PRKG2: variants seen among roughly 807,000 people sequenced by gnomAD.
PRKG2 encodes the protein protein kinase cGMP-dependent 2.
PRKG2 carries 33 observed loss-of-function variants against 97.2 expected under a neutral mutation model. That is an observed-to-expected ratio of 0.34 (90% CI 0.26 to 0.45). The LOEUF (loss-of-function observed/expected upper bound fraction) is 0.45, where lower values mean the gene tolerates loss of function less well. PRKG2 is among the 20% of genes least tolerant of loss of function. PRKG2 has a pLI of 1.00. For synonymous variants in PRKG2, 330 were observed against 321.8 expected, an observed-to-expected ratio of 1.03 and a Z score of -0.27; for missense variants, 638 against 900.0, an observed-to-expected ratio of 0.71 and a Z score of 3.73.
At chr4:81,139,371 G>T (rs1178577009) in intron 12 of PRKG2, among the ~76,000 whole-genome samples, 1 of 151,994 alleles carries the variant, frequency 6.6e-6, no homozygotes. Context: ...AAAATAACCA[G>T]TTCAAACTAT....
rs77088125 is a variant in PRKG2, at chr4:81,152,169, C to T, written c.991-115G>A. On this transcript the variant is annotated intron_variant, in intron 7 of 18. Coordinates refer to ENST00000264399, the MANE Select transcript of PRKG2 (RefSeq NM_006259.3). Reference sequence around the variant, plus strand: ...ATATAAACTTGGACAAGGAAAAAGACAATACTTTGTTTTAATTTTATGGTA... The same window carrying T: ...ATATAAACTTGGACAAGGAAAAAGATAATACTTTGTTTTAATTTTATGGTA... The T allele has an allele frequency of 8.3e-4, 624 of 752,268 alleles. 3 individuals carry two copies. In the African/African-American group the frequency reaches 0.01, roughly 12 times the overall value. 46.6% of individuals were successfully genotyped at this position (752,268 alleles called of 1,614,324 possible). A position where few individuals can be genotyped will look rare whatever the true frequency, so the allele number is the denominator to read the frequency against.
chr4:81,167,923 C>T (rs1251505196), intron 5 of PRKG2, among the ~76,000 whole-genome samples: 1 of 151,980 alleles, frequency 6.6e-6, no homozygotes, highest in Admixed American at 6.6e-5. Context: ...CAACTGCTTT[C>T]TCTTCCCTAG....
intron 17 of PRKG2, among the ~76,000 whole-genome samples, chr4:81,103,905 C>A (rs1029664115): frequency 3.2e-4 from 48 of 152,230 alleles, no homozygotes; most frequent in African/African-American, 1.1e-3. Context: ...GTGGCAGGTG[C>A]CTGTAATCCC....
intron 14 of PRKG2, among the ~76,000 whole-genome samples, chr4:81,110,832 G>C (rs1743856086): frequency 6.6e-6 from 1 of 150,690 alleles, no homozygotes; most frequent in Non-Finnish European, 1.5e-5. Context: ...TGCAGGGTCA[G>C]GTGTGTATCT....
chr4:81,124,764 A>G (rs1745394592), intron 14 of PRKG2, among the ~76,000 whole-genome samples: 1 of 152,106 alleles, frequency 6.6e-6, no homozygotes, highest in Non-Finnish European at 1.5e-5. Flanking sequence ...CTCAAGCAAA[A>G]TCACTTCCAA....
intron 14 of PRKG2, among the ~76,000 whole-genome samples, chr4:81,117,052 G>C (rs1408952913): frequency 7.0e-6 from 1 of 142,618 alleles, no homozygotes; most frequent in African/African-American, 2.7e-5. Context: ...GAGTGCAGTG[G>C]CATGATCTTG....
upstream of PRKG2, among the ~76,000 whole-genome samples, chr4:81,217,034 T>TATATATATAC (rs1553933214): frequency 4.1e-3 from 537 of 132,268 alleles, 10 homozygotes; most frequent in Non-Finnish European, 6.4e-3. Context: ...ATATTTTGTA[T>TATATATATAC]ATATATATAT....
rs146657478 is a variant in PRKG2, at chr4:81,179,033, G to A, written c.462-4074C>T. 6.9e-3 allele frequency among the ~76,000 whole-genome samples: 1,046 copies of A among 152,026 alleles called. 6 individuals carry two copies. Among genetic ancestry groups the A allele is most frequent in the Non-Finnish European group, 0.011 (728 of 67,996 alleles). On this transcript the variant is annotated intron_variant, in intron 2 of 18. Transcript: ENST00000264399. ...CCAGCTACTTTGGAGGCTGAGGCAG[G>A]AGAATTGCTTGAACCCGGGAGGCAG...
intron 1 of PRKG2, among the ~76,000 whole-genome samples, chr4:81,208,176 T>TA (rs2110134058): frequency 6.6e-6 from 1 of 152,318 alleles, no homozygotes; most frequent in South Asian, 2.1e-4. Context: ...CTTTGAGTCT[T>TA]ACTTTCTCAT....
intron 6 of PRKG2, among the ~76,000 whole-genome samples, chr4:81,159,173 A>T (rs1237036667): frequency 1.3e-5 from 2 of 152,208 alleles, no homozygotes; most frequent in Non-Finnish European, 2.9e-5. Flanking sequence ...GTGAACAGGC[A>T]ACCTACAAAA....
intron 2 of PRKG2, among the ~76,000 whole-genome samples, chr4:81,203,735 C>A (rs1470527219): frequency 6.6e-6 from 1 of 152,008 alleles, no homozygotes; most frequent in African/African-American, 2.4e-5. Flanking sequence ...CGCACACACA[C>A]ACACACCCCT....
intron 9 of PRKG2, among the ~76,000 whole-genome samples, chr4:81,146,146 T>G (rs1747838360): frequency 6.6e-6 from 1 of 152,208 alleles, no homozygotes; most frequent in Admixed American, 6.5e-5. Context: ...TTGTTTTACT[T>G]TTATTTATTC....
intron 17 of PRKG2, among the ~76,000 whole-genome samples, chr4:81,101,276 T>C (rs570090832): frequency 2.6e-5 from 4 of 152,254 alleles, no homozygotes; most frequent in South Asian, 2.1e-4. Context: ...CGTACGTTTA[T>C]TGGGGCACTA....
chr4:81,215,080 GCA>G lies in PRKG2; in HGVS notation c.-160_-159del, dbSNP rs1307079596. 2 of 152,344 alleles carry G rather than the reference GCA, an allele frequency of 1.3e-5. No individual in the cohort carries two copies. The highest frequency in any genetic ancestry group is 3.9e-4 in the East Asian group (2 of 5,180). The allele number at this position is 152,344 out of a possible 1,614,324, so 9.4% of individuals were successfully genotyped here. On this transcript the variant is annotated 5_prime_UTR_variant, in exon 1 of 19. Transcript: ENST00000264399. The stretch of plus-strand genomic sequence containing the variant: ...AGGTCAGCTCAGCCAGCCCCGCCGT[GCA>G]CACGGTGCGCAGCGTGGGCCCGGGG...
At chr4:81,128,554 C>G (rs1235738640) in intron 14 of PRKG2, among the ~76,000 whole-genome samples, 1 of 152,070 alleles carries the variant, frequency 6.6e-6, no homozygotes, top group Non-Finnish European at 1.5e-5. Flanking sequence ...CCCGGTTTAG[C>G]CTTGGGAGGG....
chr4:81,151,762 A>C (rs909898814), intron 8 of PRKG2, among the ~76,000 whole-genome samples, 198 bp downstream of exon 8: 4 of 152,286 alleles, frequency 2.6e-5, no homozygotes, highest in Middle Eastern at 3.4e-3. Context: ...AGCAAACTTA[A>C]GATTTTCCAA....
At chr4:81,105,699 T>A (rs2109971017) in intron 16 of PRKG2, 114 bp downstream of exon 16, 1 of 1,411,284 alleles carries the variant, frequency 7.1e-7, no homozygotes, top group Admixed American at 2.3e-5. Context: ...ATAATTTGCC[T>A]ATATAAAAAC....
intron 2 of PRKG2, among the ~76,000 whole-genome samples, chr4:81,177,656 C>T (rs985634470): frequency 2.4e-4 from 36 of 151,986 alleles, no homozygotes; most frequent in African/African-American, 8.0e-4. Context: ...GCCGAGCTCG[C>T]GCCACTGCAC....
chr4:81,164,015 A>G (rs565333162), intron 6 of PRKG2, among the ~76,000 whole-genome samples: 94 of 152,232 alleles, frequency 6.2e-4, no homozygotes, highest in African/African-American at 2.1e-3. Context: ...AGAGTTTAGA[A>G]CACCTCAGAA....
Sources: gnomAD v4.1 joint callset for allele counts (sites outside exome capture counted in the v4.1 genomes callset) on GRCh38, gnomAD v4.1.1 for gene constraint, MANE v1.5 for transcripts, NCBI Gene and HGNC (gene_info 2026-07-23, HGNC 2026-07-21) for gene names.